The following TRMT10B variants were observed in gnomAD, a reference collection of about 807,000 sequenced individuals.
TRMT10B encodes tRNA methyltransferase 10 homolog B.
Under a neutral mutation model 43.8 loss-of-function variants are expected in TRMT10B, and 33 were observed. The ratio of observed to expected loss-of-function variants is 0.75; its 90% CI spans 0.57 to 1.01. The LOEUF is 1.01. Ranked by LOEUF, TRMT10B falls within the 50% of genes least tolerant of loss-of-function variation. The probability of loss-of-function intolerance (pLI) is 0.00; values close to 1 mark genes in which losing one functional copy is unlikely to be tolerated. For missense variants in TRMT10B, 362 were observed against 369.8 expected (o/e 0.98, Z 0.17); for synonymous variants, 137 against 130.6 (o/e 1.05, Z -0.34).
At chr9:37,768,289 ATT>A (rs761606274) in intron 5 of TRMT10B, 61 bp downstream of exon 5, 2 of 1,379,872 alleles carry the variant, frequency 1.4e-6, no homozygotes, top group South Asian at 1.4e-5. Context: ...GGTTAATAGT[ATT>A]TTTTTTTTAC....
chr9:37,765,180 T>C (rs778887007), intron 4 of TRMT10B, among the ~76,000 whole-genome samples: 11 of 152,182 alleles, frequency 7.2e-5, no homozygotes, highest in African/African-American at 2.7e-4. Flanking sequence ...ACGTGTGCCA[T>C]GTTGGTGCTG....
intron 7 of TRMT10B, among the ~76,000 whole-genome samples, chr9:37,773,775 A>C (rs1441781143): frequency 6.6e-6 from 1 of 152,102 alleles, no homozygotes; most frequent in Non-Finnish European, 1.5e-5. Context: ...CGGAGGTTGC[A>C]GTGAGCCGAA....
At chr9:37,753,206 G>A (rs751994970), upstream of TRMT10B, among the ~76,000 whole-genome samples, 112 of 152,228 alleles carry the variant, frequency 7.4e-4, 1 homozygote, top group Admixed American at 3.0e-3. Context: ...CAGTCTTTAA[G>A]AATTGTAACA....
At chr9:37,768,719 T>C (rs939402591) in intron 5 of TRMT10B, among the ~76,000 whole-genome samples, 1 of 152,316 alleles carries the variant, frequency 6.6e-6, no homozygotes, top group East Asian at 1.9e-4. Context: ...GTGTTTGCAT[T>C]GTGTAGCTGA....
At chr9:37,758,994 G>A (rs1826004028) in intron 1 of TRMT10B, among the ~76,000 whole-genome samples, 1 of 152,176 alleles carries the variant, frequency 6.6e-6, no homozygotes, top group South Asian at 2.1e-4. Flanking sequence ...AGAAATCTGT[G>A]TACGGGTCCC....
intron 3 of TRMT10B, among the ~76,000 whole-genome samples, chr9:37,763,161 A>AAAC (rs1554676679): frequency 5.2e-3 from 724 of 139,196 alleles, no homozygotes; most frequent in African/African-American, 0.013. Flanking sequence ...AAAAAAAAAA[A>AAAC]AAAACAAAAA....
At chr9:37,753,530 C>T (rs1350370465), upstream of TRMT10B, among the ~76,000 whole-genome samples, 1 of 152,146 alleles carries the variant, frequency 6.6e-6, no homozygotes, top group East Asian at 1.9e-4. Context: ...TTCGCAATGT[C>T]CAGCCCTTGA....
At chr9:37,776,141 CAT>C (rs1828113430) in intron 7 of TRMT10B, 139 bp from the exon 8 acceptor site, 1 of 710,648 alleles carries the variant, frequency 1.4e-6, no homozygotes, top group Non-Finnish European at 2.1e-6. Context: ...GATATTGTCA[CAT>C]AAGCTCTTGA....
chr9:37,768,137 G>A lies in TRMT10B; in HGVS notation c.482G>A (p.Arg161Lys), dbSNP rs1324594707. ...RLYGSNKKAD[R>K]PFWICLTGFT... ...TATGGTTCAAACAAAAAAGCTGACA[G>A]GCCATTTTGGATCTGCCTCACTGGA... is the stretch of plus-strand genomic sequence containing the variant. The change falls in exon 5 of 9, where the codon AGG (arginine) becomes AAG (lysine). Residue 161 changes from arginine (R) to lysine (K), a missense_variant. Physicochemically the swap from Arg to Lys is conservative, Grantham distance 26. Transcript: ENST00000297994. The A allele has an allele frequency of 2.5e-6, 4 of 1,614,026 alleles. No homozygotes were observed. The highest frequency in any genetic ancestry group is 3.4e-6 in the Non-Finnish European group (4 of 1,180,012).
intron 2 of TRMT10B, 99 bp from the exon 3 acceptor site, chr9:37,762,478 T>C: frequency 6.9e-7 from 1 of 1,459,152 alleles, no homozygotes; most frequent in Non-Finnish European, 9.1e-7. Flanking sequence ...CTCCAAACTA[T>C]ATATATAAAT....
At chr9:37,771,542 AT>A (rs1827582964) in intron 7 of TRMT10B, among the ~76,000 whole-genome samples, 1 of 152,242 alleles carries the variant, frequency 6.6e-6, no homozygotes, top group Admixed American at 6.5e-5. Context: ...TATTTAAAAA[AT>A]ATTAGTGTTC....
intron 4 of TRMT10B, among the ~76,000 whole-genome samples, chr9:37,764,808 G>A (rs571286726): frequency 6.6e-6 from 1 of 152,256 alleles, no homozygotes; most frequent in Non-Finnish European, 1.5e-5. Context: ...ATGGCAGAAT[G>A]CATGACACCT....
At chr9:37,760,077 G>A (rs902975163) in intron 1 of TRMT10B, among the ~76,000 whole-genome samples, 2 of 152,296 alleles carry the variant, frequency 1.3e-5, no homozygotes, top group South Asian at 4.1e-4. Flanking sequence ...TGTAATCCCA[G>A]CACTTTGGGA....
chr9:37,759,993 TTGA>T (rs1454169633), intron 1 of TRMT10B, among the ~76,000 whole-genome samples: 1 of 152,238 alleles, frequency 6.6e-6, no homozygotes, highest in East Asian at 1.9e-4. Flanking sequence ...TCAAGGTAAC[TTGA>T]TCTCAAATTT....
intron 5 of TRMT10B, among the ~76,000 whole-genome samples, chr9:37,768,924 CA>C (rs2118855481): frequency 6.6e-6 from 1 of 152,320 alleles, no homozygotes; most frequent in South Asian, 2.1e-4. Context: ...GTCCTTTTTA[CA>C]GGTCCACATA....
intron 1 of TRMT10B, 102 bp from the exon 2 acceptor site, chr9:37,761,801 C>T (rs759660770): frequency 7.5e-6 from 6 of 796,626 alleles, no homozygotes; most frequent in Non-Finnish European, 9.8e-6. Flanking sequence ...GTATTTTACA[C>T]ACTTCTTTCA....
intron 4 of TRMT10B, among the ~76,000 whole-genome samples, chr9:37,764,471 GCCA>G: frequency 6.6e-6 from 1 of 152,070 alleles, no homozygotes; most frequent in South Asian, 2.1e-4. Context: ...ACAGGCTCCT[GCCA>G]CCATGCCCAG....
upstream of TRMT10B, among the ~76,000 whole-genome samples, chr9:37,753,050 C>G (rs558445144): frequency 2.0e-5 from 3 of 148,476 alleles, no homozygotes; most frequent in Non-Finnish European, 4.5e-5. Context: ...TCTTGAGGCC[C>G]GTGTGACCAC....
chr9:37,754,429 A>C (rs1276816467), intron 1 of TRMT10B, among the ~76,000 whole-genome samples: 1 of 152,166 alleles, frequency 6.6e-6, no homozygotes, highest in Non-Finnish European at 1.5e-5. Context: ...AGGAAACGAG[A>C]AAGGTAGACC....
Sources: gnomAD v4.1 joint callset for allele counts (sites outside exome capture counted in the v4.1 genomes callset) on GRCh38, gnomAD v4.1.1 for gene constraint, MANE v1.5 for transcripts, NCBI Gene and HGNC (gene_info 2026-07-23, HGNC 2026-07-21) for gene names.